The following KCNN2 variants were observed in gnomAD, a reference collection of about 807,000 sequenced individuals.
The protein encoded by KCNN2 is small conductance calcium-activated potassium channel protein 2.
In KCNN2, 24 loss-of-function variants were observed where a neutral mutation model predicts 55.5. That is an observed-to-expected ratio of 0.43 (90% CI 0.31 to 0.61). KCNN2 has a LOEUF of 0.61. KCNN2 is among the 20% of genes least tolerant of loss of function. KCNN2 has a pLI of 0.08. For missense variants in KCNN2, 754 were observed against 853.6 expected, an observed-to-expected ratio of 0.88 and a Z score of 1.45; for synonymous variants, 431 against 336.1, an observed-to-expected ratio of 1.28 and a Z score of -3.09.
intron 2 of KCNN2, among the ~76,000 whole-genome samples, chr5:114,348,502 C>A (rs1757154552): frequency 1.3e-5 from 2 of 152,134 alleles, no homozygotes; most frequent in African/African-American, 4.8e-5. Context: ...CTGTTAGGAT[C>A]ATTTCATGAC....
At chr5:114,261,991 C>T (rs1406337239) in intron 2 of KCNN2, among the ~76,000 whole-genome samples, 3 of 152,252 alleles carry the variant, frequency 2.0e-5, no homozygotes, top group East Asian at 3.9e-4. Flanking sequence ...GCAAAGTGTG[C>T]TTTGTTATAT....
At chr5:114,162,069 A>G (rs1418793019) in intron 1 of KCNN2, among the ~76,000 whole-genome samples, 1 of 152,062 alleles carries the variant, frequency 6.6e-6, no homozygotes, top group African/African-American at 2.4e-5. Context: ...TTGGAGGAGG[A>G]GGGGTGCTCT....
chr5:114,468,797 T>C (rs140460590), intron 4 of KCNN2, among the ~76,000 whole-genome samples: 1,584 of 152,328 alleles, frequency 0.01, 21 homozygotes, highest in African/African-American at 0.036. Context: ...CAGTGTGTTA[T>C]GTGAAGGAAT....
intron 2 of KCNN2, among the ~76,000 whole-genome samples, chr5:114,263,901 A>G (rs868564875): frequency 1.2e-4 from 18 of 152,188 alleles, no homozygotes; most frequent in African/African-American, 4.3e-4. Context: ...AGCTCCATGC[A>G]GGATGCTTAT....
intron 1 of KCNN2, among the ~76,000 whole-genome samples, chr5:114,190,799 G>T (rs2112562627): frequency 6.6e-6 from 1 of 152,248 alleles, no homozygotes; most frequent in African/African-American, 2.4e-5. Flanking sequence ...AAAAACATTT[G>T]TACCGAAGAC....
chr5:114,280,540 C>T (rs982925212), intron 2 of KCNN2, among the ~76,000 whole-genome samples: 1 of 152,130 alleles, frequency 6.6e-6, no homozygotes. Flanking sequence ...TTTCCCATCA[C>T]CATTAATTAA....
At chr5:114,379,013 A>G (rs1758021913) in intron 2 of KCNN2, among the ~76,000 whole-genome samples, 1 of 152,070 alleles carries the variant, frequency 6.6e-6, no homozygotes, top group Admixed American at 6.6e-5. Context: ...GTTATATTTC[A>G]TGCAAATAAT....
At chr5:114,306,105 G>A (rs1264657694) in intron 2 of KCNN2, among the ~76,000 whole-genome samples, 1 of 152,178 alleles carries the variant, frequency 6.6e-6, no homozygotes, top group East Asian at 1.9e-4. Context: ...TCATAGCCCT[G>A]GAGCAACACT....
intron 2 of KCNN2, among the ~76,000 whole-genome samples, chr5:114,291,748 T>A (rs528791939): frequency 2.6e-5 from 4 of 152,324 alleles, no homozygotes; most frequent in African/African-American, 9.6e-5. Flanking sequence ...TAGTTCTAGA[T>A]CCCTGAGGAA....
intron 1 of KCNN2, among the ~76,000 whole-genome samples, chr5:114,213,669 G>T (rs574013405): frequency 5.9e-5 from 9 of 151,850 alleles, no homozygotes; most frequent in East Asian, 1.9e-4. Context: ...CTGTTGTTAT[G>T]ATCTTCAGTC....
At chr5:114,348,406 AAAACTT>A (rs1421421064) in intron 2 of KCNN2, among the ~76,000 whole-genome samples, 2 of 152,074 alleles carry the variant, frequency 1.3e-5, no homozygotes, top group Non-Finnish European at 2.9e-5. Flanking sequence ...CATGTACCCT[AAAACTT>A]AAAGTATAAT....
intron 1 of KCNN2, chr5:114,056,611 C>A (rs1580470746): frequency 2.5e-6 from 1 of 393,358 alleles, no homozygotes; most frequent in African/African-American, 2.1e-5. Flanking sequence ...CTCCTCCCCT[C>A]CCTCTTGCTT....
chr5:114,376,472 A>T (rs948353150), intron 2 of KCNN2, among the ~76,000 whole-genome samples: 2 of 152,198 alleles, frequency 1.3e-5, no homozygotes, highest in Non-Finnish European at 2.9e-5. Context: ...CAAAACTCTA[A>T]TTATGACATG....
At chr5:114,125,692 C>G (rs1378103816) in intron 1 of KCNN2, among the ~76,000 whole-genome samples, 1 of 152,266 alleles carries the variant, frequency 6.6e-6, no homozygotes, top group South Asian at 2.1e-4. Context: ...TATTTTCTTA[C>G]AGTTCTGGAG....
intron 1 of KCNN2, among the ~76,000 whole-genome samples, chr5:114,209,474 G>T (rs1753836167): frequency 6.6e-6 from 1 of 151,864 alleles, no homozygotes; most frequent in African/African-American, 2.4e-5. Flanking sequence ...ATAAAATTTG[G>T]ATATAAACCA....
chr5:114,483,488 C>T (rs2150134212), intron 5 of KCNN2, among the ~76,000 whole-genome samples: 1 of 152,014 alleles, frequency 6.6e-6, no homozygotes, highest in South Asian at 2.1e-4. Flanking sequence ...GTTGGCCACG[C>T]TGGTCAAAAA....
At chr5:114,113,538 C>T (rs187791603) in intron 1 of KCNN2, among the ~76,000 whole-genome samples, 4 of 152,076 alleles carry the variant, frequency 2.6e-5, no homozygotes, top group Non-Finnish European at 2.9e-5. Flanking sequence ...TTTTATCTGA[C>T]GTTAGCTTTT....
At chr5:114,190,696 G>A (rs1753431343) in intron 1 of KCNN2, among the ~76,000 whole-genome samples, 1 of 152,018 alleles carries the variant, frequency 6.6e-6, no homozygotes, top group Admixed American at 6.6e-5. Context: ...TAATGTTTGT[G>A]AATTCTGGAT....
At chr5:114,185,680 G>T (rs2112557609) in intron 1 of KCNN2, among the ~76,000 whole-genome samples, 1 of 152,304 alleles carries the variant, frequency 6.6e-6, no homozygotes, top group Admixed American at 6.5e-5. Context: ...CCCGTCTTTA[G>T]CTGAACTAAG....
Sources: gnomAD v4.1 joint callset for allele counts (sites outside exome capture counted in the v4.1 genomes callset) on GRCh38, gnomAD v4.1.1 for gene constraint, MANE v1.5 for transcripts, NCBI Gene and HGNC (gene_info 2026-07-23, HGNC 2026-07-21) for gene names.